Variants in SEMA3D observed in about 807,000 individuals in gnomAD.
The protein encoded by SEMA3D is semaphorin 3D, also known as semaphorin-3D.
SEMA3D carries 84 observed loss-of-function variants against 100.1 expected under a neutral mutation model. The observed-to-expected ratio is 0.84, with a 90% CI of 0.70 to 1.01. The LOEUF is 1.01. SEMA3D is among the 50% of genes least tolerant of loss of function. The pLI, the probability that SEMA3D is intolerant of heterozygous loss-of-function variation, is 0.00. For missense variants in SEMA3D, 875 were observed against 934.1 expected, an observed-to-expected ratio of 0.94 and a Z score of 0.82; for synonymous variants, 312 against 320.7, an observed-to-expected ratio of 0.97 and a Z score of 0.29.
At chr7:85,242,458 T>C in the SEMA3D span, among the ~76,000 whole-genome samples, 2 of 152,312 alleles carry the variant, frequency 1.3e-5, no homozygotes, top group South Asian at 4.1e-4. Context: ...GAAAGGTATG[T>C]CATTTAATCT....
Position 85,020,265 on chromosome 7 carries a change from C to A in SEMA3D, c.1471G>T (p.Glu491Ter). The A allele has an allele frequency of 6.2e-7, 1 of 1,610,216 alleles. No homozygotes were observed. Among genetic ancestry groups the A allele is most frequent in the Non-Finnish European group, 8.5e-7 (1 of 1,177,398 alleles). The change falls in exon 14 of 19, where the codon GAG becomes TAG. Residue 491 changes from glutamate to a stop codon, truncating the protein, a stop_gained. Coordinates refer to ENST00000284136, the MANE Select transcript of SEMA3D (RefSeq NM_001384900.1). LOFTEE classifies it high-confidence loss of function. ...SISKEKWNMEEVVLEELQIFK... is the reference protein window; with the variant it reads ...SISKEKWNME ...ATCTGCAACTCCTCCAGCACTACCT[C>A]TTCCATATTCCACTTTTCCTTTGAA...
chr7:85,217,183 C>T, the SEMA3D span, among the ~76,000 whole-genome samples: 3 of 152,014 alleles, frequency 2.0e-5, no homozygotes, highest in Non-Finnish European at 4.4e-5. Context: ...AGCTATAATG[C>T]TGTGACTGCT....
chr7:85,194,405 C>G, the SEMA3D span, among the ~76,000 whole-genome samples: 1 of 152,226 alleles, frequency 6.6e-6, no homozygotes, highest in Admixed American at 6.5e-5. Flanking sequence ...CAGTTTTCAT[C>G]ATGAATGGGT....
At chr7:85,211,093 A>C in the SEMA3D span, among the ~76,000 whole-genome samples, 1 of 152,080 alleles carries the variant, frequency 6.6e-6, no homozygotes, top group African/African-American at 2.4e-5. Context: ...CTACAGTTCC[A>C]ATTTAGTGTC....
intron 1 of SEMA3D, among the ~76,000 whole-genome samples, chr7:85,167,009 C>T (rs1253318194): frequency 6.6e-6 from 1 of 151,840 alleles, no homozygotes; most frequent in Admixed American, 6.6e-5. Flanking sequence ...ATTAAACAAA[C>T]TTTAATTGAA....
chr7:85,157,738 C>T, intron 1 of SEMA3D: 1 of 521,022 alleles, frequency 1.9e-6, no homozygotes, highest in Non-Finnish European at 2.5e-6. Context: ...CTCAACAACA[C>T]CCAACAGTCT....
intron 2 of SEMA3D, chr7:85,151,830 T>A (rs1790431986): frequency 1.5e-6 from 1 of 685,966 alleles, no homozygotes; most frequent in Non-Finnish European, 1.8e-6. Context: ...TTTTAGACTG[T>A]CTGTAAAAAA....
At chr7:85,092,850 C>A (rs1382559243) in intron 4 of SEMA3D, among the ~76,000 whole-genome samples, 1 of 151,842 alleles carries the variant, frequency 6.6e-6, no homozygotes, top group African/African-American at 2.4e-5. Context: ...AATCATGAAT[C>A]GAGAAAACTT....
chr7:85,096,452 A>G (rs1396511608), intron 4 of SEMA3D, among the ~76,000 whole-genome samples: 1 of 151,928 alleles, frequency 6.6e-6, no homozygotes, highest in African/African-American at 2.4e-5. Context: ...TGAGGTTTTT[A>G]GTGTGTTTGG....
the SEMA3D span, among the ~76,000 whole-genome samples, chr7:85,212,019 C>T: frequency 6.6e-6 from 1 of 151,994 alleles, no homozygotes; most frequent in African/African-American, 2.4e-5. Flanking sequence ...GAATTTTTGA[C>T]CATGCCTGAT....
intron 8 of SEMA3D, among the ~76,000 whole-genome samples, chr7:85,057,234 C>T (rs929513214): frequency 3.3e-5 from 5 of 151,930 alleles, no homozygotes; most frequent in South Asian, 2.1e-4. Context: ...AAGAGGTATT[C>T]GGCATTTTAA....
At chr7:85,003,868 G>C (rs1294266278) in intron 18 of SEMA3D, among the ~76,000 whole-genome samples, 3 of 151,894 alleles carry the variant, frequency 2.0e-5, no homozygotes, top group Non-Finnish European at 2.9e-5. Flanking sequence ...TTTGCCTCAG[G>C]GATTCATAAC....
the SEMA3D span, among the ~76,000 whole-genome samples, chr7:85,220,570 T>C: frequency 0.68 from 103,628 of 151,804 alleles, 36,211 homozygotes; most frequent in East Asian, 0.92. Context: ...TACTGTGTAA[T>C]TTTGGGCAGC....
intron 3 of SEMA3D, among the ~76,000 whole-genome samples, chr7:85,112,279 A>G (rs1789116058): frequency 6.6e-6 from 1 of 152,178 alleles, no homozygotes; most frequent in Non-Finnish European, 1.5e-5. Flanking sequence ...TTCATTTTTT[A>G]GAAAATTCTG....
chr7:85,143,953 C>T (rs1042596464), intron 2 of SEMA3D, among the ~76,000 whole-genome samples: 14 of 151,822 alleles, frequency 9.2e-5, no homozygotes, highest in African/African-American at 3.1e-4. Flanking sequence ...TCAAGTGATC[C>T]GCTCACCTCT....
At chr7:85,096,030 A>G (rs190177142) in intron 4 of SEMA3D, among the ~76,000 whole-genome samples, 34 of 152,098 alleles carry the variant, frequency 2.2e-4, no homozygotes, top group African/African-American at 7.7e-4. Flanking sequence ...ACAAGAACAA[A>G]TTCCCTTAAA....
At chr7:85,116,770 T>C (rs1789256482) in intron 3 of SEMA3D, among the ~76,000 whole-genome samples, 1 of 152,194 alleles carries the variant, frequency 6.6e-6, no homozygotes, top group South Asian at 2.1e-4. Flanking sequence ...ATGATCCATC[T>C]TGAATCATTT....
intron 2 of SEMA3D, among the ~76,000 whole-genome samples, chr7:85,134,812 T>C (rs974669491): frequency 6.6e-6 from 1 of 151,990 alleles, no homozygotes; most frequent in Admixed American, 6.6e-5. Flanking sequence ...TCATTGTGTA[T>C]AATATCATAA....
At chr7:85,002,895 T>C (rs894862516) in intron 18 of SEMA3D, among the ~76,000 whole-genome samples, 1 of 152,140 alleles carries the variant, frequency 6.6e-6, no homozygotes, top group African/African-American at 2.4e-5. Context: ...TCTCTTATAA[T>C]AGCAGCCTAA....
Sources: gnomAD v4.1 joint callset for allele counts (sites outside exome capture counted in the v4.1 genomes callset) on GRCh38, gnomAD v4.1.1 for gene constraint, MANE v1.5 for transcripts, NCBI Gene and HGNC (gene_info 2026-07-23, HGNC 2026-07-21) for gene names.